Variants in SLC13A1 observed in about 807,000 individuals in gnomAD.
The protein encoded by SLC13A1 is Na(+)/sulfate cotransporter.
A neutral mutation model predicts 70.0 loss-of-function variants in SLC13A1; 65 were observed. The ratio of observed to expected loss-of-function variants is 0.93; its 90% CI spans 0.76 to 1.14. The LOEUF (loss-of-function observed/expected upper bound fraction) is 1.14. Ranked by LOEUF, SLC13A1 falls within the 50% of genes most tolerant of loss-of-function variation. The pLI, the probability that SLC13A1 is intolerant of heterozygous loss-of-function variation, is 0.00. For missense variants in SLC13A1, 726 were observed against 717.8 expected (o/e 1.01, Z -0.13); for synonymous variants, 275 against 250.5 (o/e 1.10, Z -0.92).
intron 10 of SLC13A1, among the ~76,000 whole-genome samples, chr7:123,126,773 A>G (rs1048234246): frequency 1.3e-5 from 2 of 152,082 alleles, no homozygotes; most frequent in African/African-American, 4.8e-5. Context: ...TAATTTTATT[A>G]TACCTTATTT....
chr7:123,162,644 T>C (rs1041692408), intron 6 of SLC13A1, among the ~76,000 whole-genome samples: 1 of 152,090 alleles, frequency 6.6e-6, no homozygotes, highest in African/African-American at 2.4e-5. Flanking sequence ...AAATACCTTT[T>C]TCATATCTGA....
intron 3 of SLC13A1, among the ~76,000 whole-genome samples, chr7:123,170,723 G>C (rs1795241755): frequency 6.6e-6 from 1 of 151,904 alleles, no homozygotes; most frequent in Admixed American, 6.6e-5. Context: ...CTGCCTCCCA[G>C]ATTCAAGCAA....
intron 1 of SLC13A1, among the ~76,000 whole-genome samples, chr7:123,183,199 A>G (rs17145507): frequency 0.011 from 1,655 of 152,284 alleles, 40 homozygotes; most frequent in African/African-American, 0.037. Flanking sequence ...ACAAGCTGAT[A>G]GCCAAGTCTG....
chr7:123,172,982 T>C (rs1394668682), intron 2 of SLC13A1, among the ~76,000 whole-genome samples: 1 of 152,166 alleles, frequency 6.6e-6, no homozygotes, highest in African/African-American at 2.4e-5. Context: ...TATTTTTATT[T>C]AATTTTTAGG....
At chr7:123,161,556 G>C (rs1273000111) in intron 6 of SLC13A1, among the ~76,000 whole-genome samples, 1 of 152,128 alleles carries the variant, frequency 6.6e-6, no homozygotes, top group Non-Finnish European at 1.5e-5. Context: ...AGCTAGCTGC[G>C]ATACAGAATG....
intron 6 of SLC13A1, among the ~76,000 whole-genome samples, 187 bp from the exon 7 acceptor site, chr7:123,147,497 G>A (rs1683284912): frequency 1.3e-5 from 2 of 151,624 alleles, no homozygotes; most frequent in African/African-American, 4.9e-5. Context: ...GGTCTGATAG[G>A]ATTATGTCAT....
intron 7 of SLC13A1, among the ~76,000 whole-genome samples, chr7:123,136,780 G>C (rs569833483): frequency 6.6e-6 from 1 of 152,280 alleles, no homozygotes; most frequent in East Asian, 1.9e-4. Context: ...AGTGATTGGG[G>C]AAGGGGGAAA....
At chr7:123,129,552 T>C in intron 8 of SLC13A1, 71 bp from the exon 9 acceptor site, 1 of 1,131,386 alleles carries the variant, frequency 8.8e-7, no homozygotes, top group Non-Finnish European at 1.3e-6. Context: ...AAGATATTTT[T>C]GTAAAACGTT....
rs1793681512 is a variant in SLC13A1 at position 123,129,458 on chromosome 7, C to T, written c.956G>A (p.Gly319Asp). The stretch of plus-strand genomic sequence containing the variant: ...TTTTTGTTGGACTGTTTTGGTTTTG[C>T]CACATTTGAACATCTCCTTAAAACT... ...GFNFKEMFKCGKTKTVQQKAC... is the reference protein window; with the variant it reads ...GFNFKEMFKCDKTKTVQQKAC... Residue 319 changes from glycine to aspartate, a missense_variant, in exon 9 of 15, where the codon GGC (glycine) becomes GAC (aspartate). Gly to Asp is a moderately conservative substitution (Grantham distance 94, BLOSUM62 -1). Coordinates refer to ENST00000194130, the MANE Select transcript of SLC13A1 (RefSeq NM_022444.4). The T allele has an allele frequency of 1.2e-6, 2 of 1,609,178 alleles. No individual in the cohort carries two copies. The highest frequency in any genetic ancestry group is 1.3e-5 in the African/African-American group (1 of 74,490).
intron 8 of SLC13A1, among the ~76,000 whole-genome samples, chr7:123,131,784 C>A (rs1793770579): frequency 6.6e-6 from 1 of 152,184 alleles, no homozygotes; most frequent in Non-Finnish European, 1.5e-5. Context: ...ACCAAGGGAA[C>A]TGTTTAAACA....
chr7:123,189,344 G>A (rs1795924721), intron 1 of SLC13A1, among the ~76,000 whole-genome samples: 1 of 151,858 alleles, frequency 6.6e-6, no homozygotes, highest in Non-Finnish European at 1.5e-5. Flanking sequence ...GTTCTCAAAT[G>A]CAGACACATA....
intron 2 of SLC13A1, among the ~76,000 whole-genome samples, chr7:123,174,821 A>C (rs1195177220): frequency 1.3e-5 from 2 of 151,884 alleles, no homozygotes; most frequent in African/African-American, 4.8e-5. Flanking sequence ...CTATGTATTT[A>C]GTTCCCCAAA....
chr7:123,166,318 A>G (rs1313067250), intron 6 of SLC13A1, among the ~76,000 whole-genome samples: 1 of 152,122 alleles, frequency 6.6e-6, no homozygotes, highest in Non-Finnish European at 1.5e-5. Flanking sequence ...GATGACCACA[A>G]GAAATTTACT....
intron 6 of SLC13A1, chr7:123,148,610 C>T (rs554845991): frequency 8.6e-6 from 3 of 350,074 alleles, no homozygotes; most frequent in East Asian, 9.1e-5. Context: ...ATAACTTTTC[C>T]GGTCATTTCA....
intron 7 of SLC13A1, among the ~76,000 whole-genome samples, chr7:123,146,857 CTACCAT>C (rs72118680): frequency 0.32 from 47,887 of 151,746 alleles, 7,796 homozygotes; most frequent in African/African-American, 0.41. Context: ...CTTTAGTTAA[CTACCAT>C]TTGTGGTATT....
intron 10 of SLC13A1, 98 bp from the exon 11 acceptor site, chr7:123,125,773 A>T: frequency 1.2e-6 from 1 of 814,654 alleles, no homozygotes; most frequent in South Asian, 1.4e-5. Flanking sequence ...ATAGGTTATT[A>T]TCAGTAGTAG....
chr7:123,131,875 T>C (rs747546539), intron 8 of SLC13A1, among the ~76,000 whole-genome samples: 4 of 152,210 alleles, frequency 2.6e-5, no homozygotes, highest in Non-Finnish European at 4.4e-5. Context: ...CACATTTCAA[T>C]ATATTTGCCT....
intron 10 of SLC13A1, among the ~76,000 whole-genome samples, chr7:123,125,919 C>T (rs1188041110): frequency 6.6e-6 from 1 of 152,160 alleles, no homozygotes; most frequent in African/African-American, 2.4e-5. Context: ...TTCAATACCA[C>T]GTATACACAT....
intron 7 of SLC13A1, among the ~76,000 whole-genome samples, chr7:123,142,720 C>T (rs562424295): frequency 9.1e-4 from 136 of 148,934 alleles, no homozygotes; most frequent in African/African-American, 2.9e-3. Context: ...CAAATTCAAG[C>T]GATTCTCCTG....
Sources: gnomAD v4.1 joint callset for allele counts (sites outside exome capture counted in the v4.1 genomes callset) on GRCh38, gnomAD v4.1.1 for gene constraint, MANE v1.5 for transcripts, NCBI Gene and HGNC (gene_info 2026-07-23, HGNC 2026-07-21) for gene names.